Variants in CADM2 observed in about 807,000 individuals in gnomAD.
CADM2 encodes the protein cell adhesion molecule 2, also known as immunoglobulin superfamily member 4D.
CADM2 carries 12 observed loss-of-function variants against 49.8 expected under a neutral mutation model. The observed-to-expected ratio is 0.24, with a 90% CI of 0.15 to 0.39. The LOEUF (loss-of-function observed/expected upper bound fraction) is 0.39, where lower values mean the gene tolerates loss of function less well. Among genes scored for constraint, CADM2 ranks in the 10% least tolerant of loss-of-function variants. The pLI, the probability that CADM2 is intolerant of heterozygous loss-of-function variation, is 1.00. For missense variants in CADM2, 378 were observed against 492.3 expected (o/e 0.77, Z 2.20); for synonymous variants, 214 against 175.4 (o/e 1.22, Z -1.74).
intron 1 of CADM2, among the ~76,000 whole-genome samples, chr3:85,092,870 AT>A (rs1236168473): frequency 1.3e-5 from 2 of 152,152 alleles, no homozygotes; most frequent in African/African-American, 4.8e-5. Flanking sequence ...GACAAGGTGC[AT>A]ATTCTGATGT....
chr3:85,449,082 A>AATAAT (rs1553724946), intron 1 of CADM2, among the ~76,000 whole-genome samples: 1,631 of 112,936 alleles, frequency 0.014, 13 homozygotes, highest in Middle Eastern at 0.034. Flanking sequence ...ATAATGATAA[A>AATAAT]AATTATATAA....
chr3:85,570,196 T>C (rs2062434600), intron 1 of CADM2, among the ~76,000 whole-genome samples: 1 of 152,184 alleles, frequency 6.6e-6, no homozygotes, highest in Non-Finnish European at 1.5e-5. Context: ...TATATTTATT[T>C]AGAAATCTGC....
chr3:85,801,030 C>T (rs1187958090), intron 2 of CADM2: 1 of 152,206 alleles, frequency 6.6e-6, no homozygotes, highest in East Asian at 1.9e-4. Context: ...TTATCCTTGA[C>T]TTAATGAACT....
intron 1 of CADM2, among the ~76,000 whole-genome samples, chr3:85,184,783 A>C (rs2041016117): frequency 6.6e-6 from 1 of 152,170 alleles, no homozygotes; most frequent in Admixed American, 6.6e-5. Flanking sequence ...TTGTGATAGT[A>C]AGAAATTCTA....
chr3:85,668,295 C>CA (rs11447925), intron 1 of CADM2, among the ~76,000 whole-genome samples: 9,979 of 81,684 alleles, frequency 0.12, 1,577 homozygotes, highest in African/African-American at 0.35. Context: ...AGTACCAAAG[C>CA]AAAAAAAAAA....
chr3:85,409,652 G>T (rs1408913087), intron 1 of CADM2, among the ~76,000 whole-genome samples: 2 of 152,086 alleles, frequency 1.3e-5, no homozygotes, highest in Non-Finnish European at 2.9e-5. Flanking sequence ...TAATAGCAAG[G>T]GAAGGGAATG....
At chr3:85,155,508 A>G (rs1249336303) in intron 1 of CADM2, among the ~76,000 whole-genome samples, 1 of 152,106 alleles carries the variant, frequency 6.6e-6, no homozygotes, top group Non-Finnish European at 1.5e-5. Flanking sequence ...TTAACACCCC[A>G]CTGTCAACAT....
At chr3:85,295,801 T>C (rs9872971) in intron 1 of CADM2, among the ~76,000 whole-genome samples, 5,318 of 151,922 alleles carry the variant, frequency 0.035, 118 homozygotes, top group Middle Eastern at 0.068. Flanking sequence ...AGGGGAGGGA[T>C]AGCATTGGGA....
At chr3:85,499,458 G>A (rs897443702) in intron 1 of CADM2, among the ~76,000 whole-genome samples, 4 of 151,442 alleles carry the variant, frequency 2.6e-5, no homozygotes, top group Admixed American at 1.3e-4. Flanking sequence ...GGCAATTATC[G>A]GCCACTGTTG....
chr3:85,653,821 C>G (rs2065122784), intron 1 of CADM2, among the ~76,000 whole-genome samples: 2 of 152,070 alleles, frequency 1.3e-5, no homozygotes, highest in African/African-American at 4.8e-5. Context: ...TGAAGCTAAT[C>G]CAGCAAACAG....
chr3:85,330,590 T>A (rs974182968), intron 1 of CADM2, among the ~76,000 whole-genome samples: 6 of 151,942 alleles, frequency 3.9e-5, no homozygotes, highest in African/African-American at 1.2e-4. Context: ...AATAGAAAAA[T>A]TTATCTGAAT....
Position 85,526,287 on chromosome 3 carries a change from A to T in CADM2, c.62-200235A>T, listed in dbSNP as rs377408502. 1.7e-4 allele frequency among the ~76,000 whole-genome samples: 21 copies of T among 122,376 alleles called. No individual in the cohort carries two copies. In the East Asian group the frequency reaches 5.3e-3, roughly 31 times the overall value. 80.3% of individuals were successfully genotyped at this position (122,376 alleles called of 152,430 possible). On this transcript the variant is annotated intron_variant, in intron 1 of 9. Coordinates refer to ENST00000383699, the MANE Select transcript of CADM2 (RefSeq NM_001167675.2). The stretch of plus-strand genomic sequence containing the variant: ...TAGGAAGGTAAATCTGGTCCTTTTT[A>T]TTAAATTTTGGCCTTCCAAAATAAG...
At chr3:85,934,463 A>AT (rs1235718656) in intron 6 of CADM2, among the ~76,000 whole-genome samples, 1 of 151,878 alleles carries the variant, frequency 6.6e-6, no homozygotes, top group Non-Finnish European at 1.5e-5. Flanking sequence ...TGTGTATCAT[A>AT]TTTTTTCAGA....
intron 1 of CADM2, among the ~76,000 whole-genome samples, chr3:85,460,056 C>G (rs2107586998): frequency 6.6e-6 from 1 of 152,164 alleles, no homozygotes; most frequent in East Asian, 1.9e-4. Context: ...ATGTTTTCAT[C>G]TCTTCTACCT....
rs1339609510 is a variant in CADM2, at chr3:86,070,545, C to T, written c.*3762C>T. On this transcript the variant is annotated 3_prime_UTR_variant, in exon 10 of 10. Coordinates refer to ENST00000383699, the MANE Select transcript of CADM2 (RefSeq NM_001167675.2). ...AACCTCATGTCTTACCACAACTTTC[C>T]CATGGTATTGCTAATTACTTAGAGT... 1 of 151,722 alleles carries T rather than the reference C, an allele frequency of 6.6e-6. No individual in the cohort carries two copies. The highest frequency in any genetic ancestry group is 1.5e-5 in the Non-Finnish European group (1 of 67,816). 9.4% of individuals were successfully genotyped at this position (151,722 alleles called of 1,614,324 possible).
intron 3 of CADM2, among the ~76,000 whole-genome samples, chr3:85,826,790 T>C (rs2073935060): frequency 6.6e-6 from 1 of 151,978 alleles, no homozygotes; most frequent in South Asian, 2.1e-4. Context: ...CACCTCAAAA[T>C]GTATATTAAA....
chr3:86,040,733 A>G (rs1433762913), intron 8 of CADM2, among the ~76,000 whole-genome samples: 2 of 152,172 alleles, frequency 1.3e-5, no homozygotes, highest in African/African-American at 2.4e-5. Context: ...TACAGAGAAC[A>G]CCACAAAGAT....
At chr3:85,203,539 C>T (rs1262152523) in intron 1 of CADM2, among the ~76,000 whole-genome samples, 1 of 151,976 alleles carries the variant, frequency 6.6e-6, no homozygotes, top group Non-Finnish European at 1.5e-5. Flanking sequence ...TTATTATCAT[C>T]AAAGATATAA....
At chr3:85,746,549 T>C (rs1235308127) in intron 2 of CADM2, among the ~76,000 whole-genome samples, 1 of 152,108 alleles carries the variant, frequency 6.6e-6, no homozygotes, top group Non-Finnish European at 1.5e-5. Flanking sequence ...CTTTTCTTTT[T>C]CTCTTTCTCT....
Sources: allele counts gnomAD v4.1 joint callset (sites outside exome capture counted in the v4.1 genomes callset), GRCh38; gene constraint gnomAD v4.1.1; transcripts MANE v1.5; gene names NCBI Gene and HGNC (gene_info 2026-07-23, HGNC 2026-07-21).